The following FAM171B variants were observed in gnomAD, a reference collection of about 807,000 sequenced individuals.
The protein encoded by FAM171B is protein FAM171B.
In FAM171B, 19 loss-of-function variants were observed where a neutral mutation model predicts 75.6. The ratio of observed to expected loss-of-function variants is 0.25; its 90% CI spans 0.18 to 0.37. The LOEUF is 0.37. FAM171B is among the 10% of genes least tolerant of loss of function. FAM171B has a pLI of 1.00. For synonymous variants in FAM171B, 367 were observed against 361.7 expected, an observed-to-expected ratio of 1.01 and a Z score of -0.17; for missense variants, 848 against 982.4, an observed-to-expected ratio of 0.86 and a Z score of 1.83.
intron 3 of FAM171B, among the ~76,000 whole-genome samples, chr2:186,745,293 T>C (rs1331932781): frequency 2.0e-5 from 3 of 152,246 alleles, no homozygotes; most frequent in Admixed American, 6.5e-5. Context: ...AGTGTTTGTT[T>C]TGATGCATCT....
At position 186,694,242 on chromosome 2, in the gene FAM171B, G is replaced by A. The variant is rs759218780; in HGVS notation, c.69G>A (p.Ala23=). ...GCCTGGCCGTGGTGCTGCTGAAAGC[G>A]CGGCTGGTCCCCGCGGCCGCCAGAG... ...LLGLAVVLLK[A]RLVPAAARAE... Residue 23 remains alanine, a synonymous_variant, in exon 1 of 8, where the codon GCG becomes GCA. Coordinates refer to ENST00000304698, the MANE Select transcript of FAM171B (RefSeq NM_177454.4). 13 of 1,611,488 alleles carry A rather than the reference G, an allele frequency of 8.1e-6. No individual in the cohort carries two copies. Among genetic ancestry groups the A allele is most frequent in the South Asian group, 1.1e-5 (1 of 90,984 alleles).
chr2:186,747,195 G>C lies in FAM171B; in HGVS notation c.669G>C (p.Gln223His). Reference sequence around the variant, plus strand: ...CTGGCTATCTTACAGTTCTACAACAGTTTTTGAAAGTGGACAATTTTCTGC... The same window carrying C: ...CTGGCTATCTTACAGTTCTACAACACTTTTTGAAAGTGGACAATTTTCTGC... ...NVTGYLTVLQ[Q>H]FLKVDNFLHT... The change falls in exon 4 of 8, where the codon CAG (glutamine) becomes CAC (histidine). Residue 223 changes from glutamine (Q) to histidine (H), a missense_variant. Physicochemically the swap from Gln to His is conservative, Grantham distance 24. This residue lies in a region of FAM171B where 665 missense variants were observed against 729.0 expected (regional missense o/e 0.91). Transcript: ENST00000304698. 1 of 1,603,272 alleles carries C rather than the reference G, an allele frequency of 6.2e-7. No homozygotes were observed. The highest frequency in any genetic ancestry group is 2.3e-5 in the East Asian group (1 of 44,292).
intron 1 of FAM171B, among the ~76,000 whole-genome samples, chr2:186,703,766 C>T (rs1037732752): frequency 4.0e-5 from 6 of 151,064 alleles, no homozygotes; most frequent in Non-Finnish European, 5.9e-5. Context: ...TGCTAATGTT[C>T]TTTGACATTT....
chr2:186,723,261 G>C (rs1234773184), intron 1 of FAM171B, among the ~76,000 whole-genome samples: 1 of 152,122 alleles, frequency 6.6e-6, no homozygotes, highest in East Asian at 1.9e-4. Flanking sequence ...ATTCCCCAAA[G>C]GTCCTTTTGT....
At chr2:186,732,643 G>T (rs1647103868) in intron 1 of FAM171B, among the ~76,000 whole-genome samples, 1 of 152,224 alleles carries the variant, frequency 6.6e-6, no homozygotes, top group Admixed American at 6.5e-5. Context: ...GGGGTCTTAT[G>T]TGTTGGCAGC....
At chr2:186,755,172 T>C (rs1690515828) in intron 6 of FAM171B, among the ~76,000 whole-genome samples, 1 of 152,154 alleles carries the variant, frequency 6.6e-6, no homozygotes, top group Non-Finnish European at 1.5e-5. Context: ...AGAAAAATTC[T>C]CTAACCTGCG....
intron 1 of FAM171B, among the ~76,000 whole-genome samples, chr2:186,709,862 AT>A (rs1192980362): frequency 6.6e-6 from 1 of 152,268 alleles, no homozygotes; most frequent in African/African-American, 2.4e-5. Flanking sequence ...CTTTTAAAAA[AT>A]GTAATTGCAC....
At position 186,723,780 on chromosome 2, in the gene FAM171B, T is replaced by C. The variant is rs867379693; in HGVS notation, c.239-16448T>C. Among the ~76,000 whole-genome samples the C allele has an allele frequency of 6.7e-4, 102 of 152,238 alleles. 1 individual carries two copies. The highest frequency in any genetic ancestry group is 2.5e-3 in the Admixed American group (38 of 15,284). On this transcript the variant is annotated intron_variant, in intron 1 of 7. Coordinates refer to ENST00000304698, the MANE Select transcript of FAM171B (RefSeq NM_177454.4). ...TGCCAGAAATGATTGCTTACCCATC[T>C]TCTTGTCCCACCCTCTACTTCAAGG...
intron 3 of FAM171B, among the ~76,000 whole-genome samples, chr2:186,744,564 G>T (rs1690339518): frequency 6.6e-6 from 1 of 152,132 alleles, no homozygotes; most frequent in Non-Finnish European, 1.5e-5. Context: ...TTTCGCTCTT[G>T]TTGCCCAGGC....
intron 1 of FAM171B, among the ~76,000 whole-genome samples, chr2:186,734,689 G>A (rs569653850): frequency 6.6e-6 from 1 of 152,282 alleles, no homozygotes; most frequent in South Asian, 2.1e-4. Flanking sequence ...TGTGGAACTG[G>A]CAACCTGGCC....
intron 1 of FAM171B, among the ~76,000 whole-genome samples, chr2:186,736,538 C>CTG (rs10660120): frequency 0.32 from 39,447 of 122,774 alleles, 6,692 homozygotes; most frequent in Middle Eastern, 0.42. Flanking sequence ...ATGTTTGTGG[C>CTG]TGTGTGTGTG....
At chr2:186,735,137 G>T (rs980524723) in intron 1 of FAM171B, among the ~76,000 whole-genome samples, 1 of 152,224 alleles carries the variant, frequency 6.6e-6, no homozygotes, top group African/African-American at 2.4e-5. Context: ...TGCAGCCCCA[G>T]CTGTGCCTCC....
intron 1 of FAM171B, among the ~76,000 whole-genome samples, chr2:186,708,896 G>A (rs1056753842): frequency 2.0e-5 from 3 of 152,180 alleles, no homozygotes; most frequent in African/African-American, 7.2e-5. Context: ...GATACACCAT[G>A]TATATTAAGC....
rs1379105354 is a variant in FAM171B, at chr2:186,763,725, T to A, written c.*902T>A. Reference sequence around the variant, plus strand: ...CTCAGTCACTTAAAGGCTATGAAATTTAAAAAAAAAGTCGATGTGAAAGTT... The same window carrying A: ...CTCAGTCACTTAAAGGCTATGAAATATAAAAAAAAAGTCGATGTGAAAGTT... On this transcript the variant is annotated 3_prime_UTR_variant, in exon 8 of 8. Transcript: ENST00000304698. 1 of 151,904 alleles carries A rather than the reference T, an allele frequency of 6.6e-6. No individual in the cohort carries two copies. The highest frequency in any genetic ancestry group is 2.4e-5 in the African/African-American group (1 of 41,402). The allele number at this position is 151,904 out of a possible 1,614,324, so 9.4% of individuals were successfully genotyped here. A position where few individuals can be genotyped will look rare whatever the true frequency, so the allele number is the denominator to read the frequency against.
intron 3 of FAM171B, among the ~76,000 whole-genome samples, 197 bp from the exon 4 acceptor site, chr2:186,746,895 A>C (rs79821144): frequency 1.3e-5 from 2 of 152,344 alleles, no homozygotes; most frequent in South Asian, 4.1e-4. Context: ...CAGCAGAATC[A>C]ATCAGTACAA....
At chr2:186,697,870 A>T (rs1281998576) in intron 1 of FAM171B, among the ~76,000 whole-genome samples, 7 of 151,618 alleles carry the variant, frequency 4.6e-5, no homozygotes, top group East Asian at 1.9e-4. Flanking sequence ...AAGCAAGATT[A>T]AAAAAAAACT....
intron 1 of FAM171B, among the ~76,000 whole-genome samples, chr2:186,706,549 G>A (rs867082949): frequency 3.9e-5 from 6 of 152,150 alleles, no homozygotes; most frequent in South Asian, 2.1e-4. Flanking sequence ...TTTGTATCTC[G>A]GCACATTCTG....
rs555970262 is a variant in FAM171B at position 186,706,058 on chromosome 2, G to T, written c.238+11647G>T. On this transcript the variant is annotated intron_variant, in intron 1 of 7. Coordinates refer to ENST00000304698, the MANE Select transcript of FAM171B (RefSeq NM_177454.4). ...ACTGAAAGATAGTCACTGAGATTGA[G>T]TTAATCTTAATATGGGCTCTGATGA... 6.6e-4 allele frequency among the ~76,000 whole-genome samples: 100 copies of T among 152,280 alleles called. 1 individual carries two copies. The Middle Eastern group carries it at 0.01, about 16-fold the overall frequency.
At chr2:186,699,809 G>GGATA (rs1241063932) in intron 1 of FAM171B, among the ~76,000 whole-genome samples, 1 of 151,926 alleles carries the variant, frequency 6.6e-6, no homozygotes, top group African/African-American at 2.4e-5. Context: ...ATATGGTGAG[G>GGATA]GATAGGGGTC....
Sources: gnomAD v4.1 joint callset for allele counts (sites outside exome capture counted in the v4.1 genomes callset) on GRCh38, gnomAD v4.1.1 for gene constraint, gnomAD v4.1.1 regional missense constraint, MANE v1.5 for transcripts, NCBI Gene and HGNC (gene_info 2026-07-23, HGNC 2026-07-21) for gene names.